The following PDIA2 variants were observed in gnomAD, a reference collection of about 807,000 sequenced individuals.
The protein encoded by PDIA2 is protein disulfide-isomerase A2.
PDIA2 carries 76 observed loss-of-function variants against 51.1 expected under a neutral mutation model. That is an observed-to-expected ratio of 1.49 (90% confidence interval 1.24 to 1.80). The LOEUF is 1.80. Among genes scored for constraint, PDIA2 ranks in the 40% most tolerant of loss-of-function variants. The probability of loss-of-function intolerance (pLI) is 0.00; values close to 1 mark genes in which losing one functional copy is unlikely to be tolerated. For missense variants in PDIA2, 946 were observed against 706.5 expected, an observed-to-expected ratio of 1.34 and a Z score of -3.84; for synonymous variants, 429 against 309.9, an observed-to-expected ratio of 1.38 and a Z score of -4.04.
At chr16:283,495 C>G (rs2052313320) in intron 1 of PDIA2, 127 bp downstream of exon 1, 7 of 1,026,278 alleles carry the variant, frequency 6.8e-6, no homozygotes, top group African/African-American at 6.6e-5. Flanking sequence ...GCACTTGCCC[C>G]CACTGTGCCC....
Position 287,119 on chromosome 16 carries a change from C to T in PDIA2, c.*6C>T. ...GGTCCAAGGAGGAACTGTAGCTGCC[C>T]CCGTGTCACCCCCGCCATCACTGCT... On this transcript the variant is annotated 3_prime_UTR_variant, in exon 11 of 11. Transcript: ENST00000219406. 1 of 1,612,758 alleles carries T rather than the reference C, an allele frequency of 6.2e-7. No individual in the cohort carries two copies. The highest frequency in any genetic ancestry group is 8.5e-7 in the Non-Finnish European group (1 of 1,179,932).
Position 286,921 on chromosome 16 carries a change from G to A in PDIA2, c.1509G>A (p.Pro503=), listed in dbSNP as rs770815933. ...GCGTGCTGCCCACGGAGGAGCCCCC[G>A]GAGGAGCCAGCAGCCCCGTTCCCGG... ...NGGVLPTEEP[P]EEPAAPFPEP... is the part of the protein sequence containing the mutation. Residue 503 remains proline, a synonymous_variant, in exon 10 of 11, where the codon CCG becomes CCA. Coordinates refer to ENST00000219406, the MANE Select transcript of PDIA2 (RefSeq NM_006849.4). 53 of 1,599,342 alleles carry A rather than the reference G, an allele frequency of 3.3e-5. No homozygotes were observed. The highest frequency in any genetic ancestry group is 8.9e-5 in the Admixed American group (5 of 55,978).
At chr16:284,111 G>A (rs997707163) in intron 1 of PDIA2, 2 of 522,778 alleles carry the variant, frequency 3.8e-6, no homozygotes, top group South Asian at 2.0e-5. Context: ...CAGGTGATAT[G>A]CCCGCCTCTG....
chr16:286,970 C>T, intron 10 of PDIA2, 25 bp downstream of exon 10: 1 of 1,607,840 alleles, frequency 6.2e-7, no homozygotes, highest in Non-Finnish European at 8.5e-7. Context: ...GCCAGGGCTC[C>T]AGGCCTCTGC....
chr16:283,619 G>A (rs550758534), intron 1 of PDIA2, among the ~76,000 whole-genome samples: 35 of 152,330 alleles, frequency 2.3e-4, no homozygotes, highest in Admixed American at 5.9e-4. Context: ...CTCGGCCAGC[G>A]GCCACGGTGC....
chr16:287,170 C>G lies in PDIA2; in HGVS notation c.*57C>G, dbSNP rs1331898869. The G allele has an allele frequency of 6.2e-7, 1 of 1,601,090 alleles. No homozygotes were observed. Among genetic ancestry groups the G allele is most frequent in the Non-Finnish European group, 8.5e-7 (1 of 1,169,996 alleles). On this transcript the variant is annotated 3_prime_UTR_variant, in exon 11 of 11. Coordinates refer to ENST00000219406, the MANE Select transcript of PDIA2 (RefSeq NM_006849.4). ...GGACAGGAGCCACCCCCTTGGGTAC[C>G]AGAGGGAGCTGTGCATTGTGAATAA...
rs776019709 is a variant in PDIA2 at position 284,594 on chromosome 16, G to C, written c.406+1G>C. 1 of 1,610,758 alleles carries C rather than the reference G, an allele frequency of 6.2e-7. No individual in the cohort carries two copies. The highest frequency in any genetic ancestry group is 8.5e-7 in the Non-Finnish European group (1 of 1,179,554). On this transcript the variant is annotated splice_donor_variant, in intron 2 of 10. Coordinates refer to ENST00000219406, the MANE Select transcript of PDIA2 (RefSeq NM_006849.4). LOFTEE classifies it high-confidence loss of function. ...CGCACGCACCCGGAGGAGTACACAG[G>C]TGAGGGGCAGGCCGGTCATTGGGGG...
Position 286,643 on chromosome 16 carries a change from G to C in PDIA2, c.1330G>C (p.Ala444Pro), listed in dbSNP as rs760293954. 3 of 1,612,466 alleles carry C rather than the reference G, an allele frequency of 1.9e-6. No individual in the cohort carries two copies. Among genetic ancestry groups the C allele is most frequent in the East Asian group, 4.5e-5 (2 of 44,868 alleles). ...CCAAGACCACGAGGACATCATCATTGCTGAGCTGGATGCCACGGCCAACGA... is the reference window on the plus strand; with the variant it reads ...CCAAGACCACGAGGACATCATCATTCCTGAGCTGGATGCCACGGCCAACGA... ...KYQDHEDIII[A>P]ELDATANELD... Residue 444 changes from alanine (A) to proline (P), a missense_variant, in exon 9 of 11, where the codon GCT (alanine) becomes CCT (proline). By Grantham distance (27) the Ala-to-Pro change is conservative (BLOSUM62 -1). Transcript: ENST00000219406.
Position 285,185 on chromosome 16 carries a change from G to C in PDIA2, c.780G>C (p.Thr260=), listed in dbSNP as rs45503892. 3.1e-6 allele frequency: 5 copies of C among 1,613,046 alleles called. No individual in the cohort carries two copies. The Admixed American group carries it at 8.3e-5, about 27-fold the overall frequency. The change falls in exon 5 of 11, where the codon ACG becomes ACC. Residue 260 remains threonine, a synonymous_variant. Transcript: ENST00000219406. The stretch of plus-strand genomic sequence containing the variant: ...TCACACACAGCATGCGCCTGGTCAC[G>C]GAGTTCAACAGCCAGGTGCGTAGGC... ...FLVTHSMRLV[T]EFNSQTSAKI...
chr16:287,098 C>T lies in PDIA2; in HGVS notation c.1563C>T (p.Ser521=), dbSNP rs902142105. The change falls in exon 11 of 11, where the codon TCC becomes TCT. Residue 521 remains serine (S), a synonymous_variant. Transcript: ENST00000219406. The part of the protein sequence containing the change: ...PEPPANSTMG[S]KEEL Reference sequence around the variant, plus strand: ...CACCGGCCAACTCCACTATGGGGTCCAAGGAGGAACTGTAGCTGCCCCCGT... The same window carrying T: ...CACCGGCCAACTCCACTATGGGGTCTAAGGAGGAACTGTAGCTGCCCCCGT... 6.8e-6 allele frequency: 11 copies of T among 1,612,682 alleles called. No homozygotes were observed. Among genetic ancestry groups the T allele is most frequent in the African/African-American group, 4.0e-5 (3 of 74,932 alleles).
At chr16:286,185 C>T (rs557423208) in intron 7 of PDIA2, among the ~76,000 whole-genome samples, 168 bp from the exon 8 acceptor site, 1 of 27,990 alleles carries the variant, frequency 3.6e-5, no homozygotes, top group African/African-American at 1.7e-4. Flanking sequence ...TCCCCCCCAC[C>T]TGCCCCCGGC....
In PDIA2 at chr16:285,702, A is replaced by G; in HGVS notation, c.1118A>G (p.Lys373Arg). The part of the protein sequence containing the change: ...FCHAVLNGQV[K>R]PYLLSQEIPP... ...CATGCAGTCCTCAACGGCCAAGTCAAGGTCCGCTGCAGACTGCTCATAATG... is the reference window on the plus strand; with the variant it reads ...CATGCAGTCCTCAACGGCCAAGTCAGGGTCCGCTGCAGACTGCTCATAATG... The change falls in exon 7 of 11, where the codon AAG becomes AGG. Residue 373 changes from lysine (K) to arginine (R), a missense_variant and splice_region_variant. Transcript: ENST00000219406. 6.2e-7 allele frequency: 1 copy of G among 1,612,468 alleles called. No individual in the cohort carries two copies. The highest frequency in any genetic ancestry group is 8.5e-7 in the Non-Finnish European group (1 of 1,179,724).
In PDIA2 at chr16:285,528, T is replaced by G; in HGVS notation, c.944T>G (p.Val315Gly). 1 of 1,612,836 alleles carries G rather than the reference T, an allele frequency of 6.2e-7. No homozygotes were observed. Among genetic ancestry groups the G allele is most frequent in the African/African-American group, 1.3e-5 (1 of 74,946 alleles). The change falls in exon 7 of 11, where the codon GTG becomes GGG. Residue 315 changes from valine (V) to glycine (G), a missense_variant. Coordinates refer to ENST00000219406, the MANE Select transcript of PDIA2 (RefSeq NM_006849.4). ...RGQVLFVVVDVAADNEHVLQY... is the reference protein window; with the variant it reads ...RGQVLFVVVDGAADNEHVLQY... ...CAGGTGCTGTTCGTGGTGGTGGACG[T>G]GGCGGCCGACAATGAGCACGTGCTG...
At position 284,915 on chromosome 16, in the gene PDIA2, T is replaced by G; in HGVS notation, c.578T>G (p.Leu193Trp). ...GAGGACGTGGCCACCTTCTTGGCCT[T>G]GGCCCAGGACGCCCTGGACATGACC... ...QDEDVATFLA[L>W]AQDALDMTFG... The change falls in exon 4 of 11, where the codon TTG (leucine) becomes TGG (tryptophan). Residue 193 changes from leucine (L) to tryptophan (W), a missense_variant. By Grantham distance (61) the Leu-to-Trp change is moderately conservative. Transcript: ENST00000219406. 2.5e-6 allele frequency: 4 copies of G among 1,612,862 alleles called. No homozygotes were observed. Among genetic ancestry groups the G allele is most frequent in the Non-Finnish European group, 1.7e-6 (2 of 1,179,694 alleles).
Position 285,651 on chromosome 16 carries a change from C to T in PDIA2, c.1067C>T (p.Thr356Ile), listed in dbSNP as rs1209583037. Residue 356 changes from threonine (T) to isoleucine (I), a missense_variant, in exon 7 of 11, where the codon ACC becomes ATC. Thr to Ile is a moderately conservative substitution (Grantham distance 89). Coordinates refer to ENST00000219406, the MANE Select transcript of PDIA2 (RefSeq NM_006849.4). Reference protein sequence around the residue: ...KYAPVDGGPVTAASITAFCHA... With the variant: ...KYAPVDGGPVIAASITAFCHA... ...GCGCCTGTGGATGGGGGCCCTGTCA[C>T]CGCAGCGTCCATCACTGCTTTCTGC... 3 of 1,613,312 alleles carry T rather than the reference C, an allele frequency of 1.9e-6. No individual in the cohort carries two copies. Among genetic ancestry groups the T allele is most frequent in the Admixed American group, 3.3e-5 (2 of 60,004 alleles).
chr16:284,273 C>T (rs1596940553), intron 1 of PDIA2, 114 bp from the exon 2 acceptor site: 3 of 1,100,814 alleles, frequency 2.7e-6, no homozygotes, highest in Non-Finnish European at 3.9e-6. Context: ...TTGTCCACGG[C>T]CAGGGCTCAG....
intron 7 of PDIA2, 113 bp downstream of exon 7, chr16:285,816 G>T (rs927651204): frequency 8.3e-7 from 1 of 1,211,896 alleles, no homozygotes. Flanking sequence ...GCCCCGCAGA[G>T]GCCCCCCTCA....
At position 285,141 on chromosome 16, in the gene PDIA2, G is replaced by C. The variant is rs766270520; in HGVS notation, c.736G>C (p.Asp246His). Residue 246 changes from aspartate to histidine, a missense_variant, in exon 5 of 11, where the codon GAT becomes CAT. By Grantham distance (81) the Asp-to-His change is moderately conservative (BLOSUM62 -1). Transcript: ENST00000219406. ...VDEELGLDLG[D>H]LSRFLVTHSM... ...CGAGGAGCTTGGCCTGGACCTGGGG[G>C]ATCTGTCGCGCTTCCTGGTCACACA... The C allele has an allele frequency of 4.3e-6, 7 of 1,612,980 alleles. No individual in the cohort carries two copies. Among genetic ancestry groups the C allele is most frequent in the Non-Finnish European group, 5.9e-6 (7 of 1,180,010 alleles).
Position 285,259 on chromosome 16 carries a change from G to C in PDIA2, c.796-53G>C. ...CCCAGGGTAGAGTCGTCCAGGGATG[G>C]GGGTGCCTAGGCTGGGGGTCCTGTG... On this transcript the variant is annotated intron_variant, in intron 5 of 10. Coordinates refer to ENST00000219406, the MANE Select transcript of PDIA2 (RefSeq NM_006849.4). 6.8e-6 allele frequency: 11 copies of C among 1,612,102 alleles called. No homozygotes were observed. In the South Asian group the frequency reaches 7.7e-5, roughly 11 times the overall value.
Sources: allele counts gnomAD v4.1 joint callset (sites outside exome capture counted in the v4.1 genomes callset), GRCh38; gene constraint gnomAD v4.1.1; transcripts MANE v1.5; gene names NCBI Gene and HGNC (gene_info 2026-07-23, HGNC 2026-07-21).